KIF21B: variants seen among roughly 807,000 people sequenced by gnomAD.
The protein encoded by KIF21B is kinesin family member 21B.
A neutral mutation model predicts 192.9 loss-of-function variants in KIF21B; 85 were observed. The observed-to-expected ratio is 0.44, with a 90% CI of 0.37 to 0.53. KIF21B has a LOEUF of 0.53. Ranked by LOEUF, KIF21B falls within the 20% of genes least tolerant of loss-of-function variation. KIF21B has a pLI of 0.00. For missense variants in KIF21B, 1,716 were observed against 2,194.8 expected, an observed-to-expected ratio of 0.78 and a Z score of 4.36; for synonymous variants, 832 against 884.6, an observed-to-expected ratio of 0.94 and a Z score of 1.05.
Position 200,982,396 on chromosome 1 carries a change from T to C in KIF21B, c.3842+660A>G, listed in dbSNP as rs1655995455. 6.6e-6 allele frequency among the ~76,000 whole-genome samples: 1 copy of C among 152,202 alleles called. No homozygotes were observed. Among genetic ancestry groups the C allele is most frequent in the Non-Finnish European group, 1.5e-5 (1 of 68,036 alleles). On this transcript the variant is annotated intron_variant, in intron 28 of 34. Coordinates refer to ENST00000461742, the MANE Select transcript of KIF21B (RefSeq NM_001252102.2). The surrounding 1 kb of genome is among the most constrained non-coding windows in gnomAD (Gnocchi z 4.7). ...GAAGCTCTCAGCCCACGAGGGGCCC[T>C]TGGCTTGTCAGGGGCTCGGGACCCC...
In KIF21B at chr1:201,003,652, G is replaced by C. The variant is rs376452020; in HGVS notation, c.1146C>G (p.Ser382Arg). 9.3e-6 allele frequency: 15 copies of C among 1,614,122 alleles called. No individual in the cohort carries two copies. The highest frequency in any genetic ancestry group is 1.3e-5 in the Non-Finnish European group (15 of 1,180,058). ...CAGCCCGCAGTGCACTGATTTGCTG[G>C]CTGGTCTTGTCCTGGTTCACTACCA... ...NKVVVNQDKT[S>R]QQISALRAEI... Residue 382 changes from serine to arginine, a missense_variant, in exon 8 of 35, where the codon AGC (serine) becomes AGG (arginine). This residue lies in a region of KIF21B where 1,087 missense variants were observed against 1,316.6 expected (regional missense o/e 0.83). Transcript: ENST00000461742.
chr1:200,988,785 G>A lies in KIF21B; in HGVS notation c.3279C>T (p.Leu1093=). The A allele has an allele frequency of 6.2e-7, 1 of 1,613,662 alleles. No homozygotes were observed. Among genetic ancestry groups the A allele is most frequent in the East Asian group, 2.2e-5 (1 of 44,876 alleles). The change falls in exon 22 of 35, where the codon CTC becomes CTT. Residue 1093 remains leucine, a synonymous_variant. Coordinates refer to ENST00000461742, the MANE Select transcript of KIF21B (RefSeq NM_001252102.2). ...KAEAHPELQA[L]IYNVQQENGY... The stretch of plus-strand genomic sequence containing the variant: ...CCGTACCCTGCTGCACATTGTAGAT[G>A]AGGGCCTGCAGCTCGGGGTGAGCTT...
chr1:201,013,988 T>C (rs1658364519), intron 1 of KIF21B, among the ~76,000 whole-genome samples: 2 of 152,126 alleles, frequency 1.3e-5, no homozygotes, highest in African/African-American at 4.8e-5. Flanking sequence ...GAGGGCCGGC[T>C]GGACAGCCCC....
rs1657786259 is a variant in KIF21B at position 201,005,827 on chromosome 1, C to T, written c.448-133G>A. 4.3e-6 allele frequency: 4 copies of T among 926,126 alleles called. No individual in the cohort carries two copies. The South Asian group carries it at 6.3e-5, about 15-fold the overall frequency. The allele number at this position is 926,126 out of a possible 1,614,324, so 57.4% of individuals were successfully genotyped here. On this transcript the variant is annotated intron_variant, in intron 3 of 34. Coordinates refer to ENST00000461742, the MANE Select transcript of KIF21B (RefSeq NM_001252102.2). ...GTGGGTCCCCTCTGGGTTTTGAATC[C>T]CATGACCTTTCTGCAGGACAGGGGC...
At chr1:201,002,495 T>G (rs1286593428) in intron 8 of KIF21B, 145 bp from the exon 9 acceptor site, 2 of 676,948 alleles carry the variant, frequency 3.0e-6, no homozygotes, top group Admixed American at 2.7e-5. Context: ...CCAGGTTTCC[T>G]AAAACACAGC....
At chr1:201,020,192 C>T (rs1009952193) in intron 1 of KIF21B, among the ~76,000 whole-genome samples, 1 of 152,212 alleles carries the variant, frequency 6.6e-6, no homozygotes, top group Non-Finnish European at 1.5e-5. Flanking sequence ...GGTCTCCCCT[C>T]ATGGTGGGGG....
rs560040743 is a variant in KIF21B, at chr1:201,017,034, C to A, written c.41+6309G>T. ...CTTGGGGTTCAGGACTCTGACCCCA[C>A]CCCCTCCTCTTGAGTGTCCTTGACC... On this transcript the variant is annotated intron_variant, in intron 1 of 34. Coordinates refer to ENST00000461742, the MANE Select transcript of KIF21B (RefSeq NM_001252102.2). This position sits in a 1 kb window ranked among gnomAD's most constrained non-coding sequence, Gnocchi z 4.1. Among the ~76,000 whole-genome samples, 1 of 152,222 alleles carries A rather than the reference C, an allele frequency of 6.6e-6. No homozygotes were observed. Among genetic ancestry groups the A allele is most frequent in the South Asian group, 2.1e-4 (1 of 4,814 alleles).
rs772951580 is a variant in KIF21B, at chr1:200,975,582, C to T, written c.4531G>A (p.Ala1511Thr). ...PPHYDGIECL[A>T]IQGDILFSGS... ...CTGAACAGGATGTCTCCCTGGATGGCGAGACACTCGATGCCATCGTAGTGC... is the reference window on the plus strand; with the variant it reads ...CTGAACAGGATGTCTCCCTGGATGGTGAGACACTCGATGCCATCGTAGTGC... The change falls in exon 33 of 35, where the codon GCC (alanine) becomes ACC (threonine). Residue 1511 changes from alanine (A) to threonine (T), a missense_variant. Ala to Thr is a moderately conservative substitution (Grantham distance 58). This residue lies in a region of KIF21B where 580 missense variants were observed against 775.5 expected (regional missense o/e 0.75). Coordinates refer to ENST00000461742, the MANE Select transcript of KIF21B (RefSeq NM_001252102.2). This position sits in a 1 kb window ranked among gnomAD's most constrained non-coding sequence, Gnocchi z 4.3. 13 of 1,613,888 alleles carry T rather than the reference C, an allele frequency of 8.1e-6. No individual in the cohort carries two copies. The Admixed American group carries it at 1.3e-4, about 17-fold the overall frequency.
At chr1:201,019,254 A>C (rs1041102868) in intron 1 of KIF21B, among the ~76,000 whole-genome samples, 2 of 152,166 alleles carry the variant, frequency 1.3e-5, no homozygotes, top group Non-Finnish European at 2.9e-5. Flanking sequence ...TTTTTTAAAA[A>C]AACATTTTAT....
At chr1:200,978,120 G>A (rs1655681237) in intron 30 of KIF21B, among the ~76,000 whole-genome samples, 1 of 151,332 alleles carries the variant, frequency 6.6e-6, no homozygotes, top group African/African-American at 2.4e-5. Context: ...TGTGATCTCG[G>A]CTCACTGCAA....
chr1:201,004,961 C>T, intron 5 of KIF21B, 28 bp from the exon 6 acceptor site: 1 of 1,586,260 alleles, frequency 6.3e-7, no homozygotes, highest in Non-Finnish European at 8.6e-7. Flanking sequence ...TCTGACTCAC[C>T]CAGCCCTCGC....
intron 26 of KIF21B, among the ~76,000 whole-genome samples, chr1:200,985,221 C>T (rs926866006): frequency 2.0e-5 from 3 of 152,184 alleles, no homozygotes; most frequent in African/African-American, 7.2e-5. Context: ...GGTGCAGTGG[C>T]TCACATCTGT....
At position 201,017,988 on chromosome 1, in the gene KIF21B, G is replaced by T. The variant is rs1036080505; in HGVS notation, c.41+5355C>A. Among the ~76,000 whole-genome samples the T allele has an allele frequency of 1.3e-5, 2 of 152,224 alleles. No homozygotes were observed. The highest frequency in any genetic ancestry group is 6.5e-5 in the Admixed American group (1 of 15,296). The stretch of plus-strand genomic sequence containing the variant: ...TGGGTGGATCTCTGGGGCCAAGGAA[G>T]AGCCGTTCCAGTCCAGCTTCCCTCA... On this transcript the variant is annotated intron_variant, in intron 1 of 34. Transcript: ENST00000461742. The surrounding 1 kb of genome is among the most constrained non-coding windows in gnomAD (Gnocchi z 4.1).
rs139587088 is a variant in KIF21B, at chr1:201,005,344, G to A, written c.696C>T (p.His232=). 5 of 1,612,342 alleles carry A rather than the reference G, an allele frequency of 3.1e-6. No individual in the cohort carries two copies. The East Asian group carries it at 6.7e-5, about 22-fold the overall frequency. ...SSRSHAIFTI[H]LCQMRMCTQP... ...GGGTGCACATGCGCATCTGGCACAG[G>A]TGGATGGTGAAGATGGCGTGGGAGC... is the stretch of plus-strand genomic sequence containing the variant. Residue 232 remains histidine (H), a synonymous_variant, in exon 5 of 35, where the codon CAC becomes CAT. Transcript: ENST00000461742.
chr1:201,015,916 T>C (rs1039224759), intron 1 of KIF21B, among the ~76,000 whole-genome samples: 9 of 152,220 alleles, frequency 5.9e-5, no homozygotes, highest in African/African-American at 1.9e-4. Flanking sequence ...TCATTCGTCA[T>C]TGATATCCCT....
Position 201,000,895 on chromosome 1 carries a change from G to A in KIF21B, c.1403-115C>T. On this transcript the variant is annotated intron_variant, in intron 9 of 34. Transcript: ENST00000461742. The surrounding 1 kb of genome is among the most constrained non-coding windows in gnomAD (Gnocchi z 6.0). ...GGCCAAGGCGGGCGGATCACCTGAG[G>A]CTGGGAGTTCGAGACTAGCCTGACC... 3 of 1,022,734 alleles carry A rather than the reference G, an allele frequency of 2.9e-6. No individual in the cohort carries two copies. Among genetic ancestry groups the A allele is most frequent in the Non-Finnish European group, 4.6e-6 (3 of 657,832 alleles). 63.4% of individuals were successfully genotyped at this position (1,022,734 alleles called of 1,614,324 possible). A position where few individuals can be genotyped will look rare whatever the true frequency, so the allele number is the denominator to read the frequency against.
chr1:201,013,834 G>A (rs1000228645), intron 1 of KIF21B, among the ~76,000 whole-genome samples: 4 of 152,206 alleles, frequency 2.6e-5, no homozygotes, highest in Admixed American at 6.5e-5. Context: ...TGTGGCCCAC[G>A]GGCCAGCTGC....
intron 7 of KIF21B, 28 bp from the exon 8 acceptor site, chr1:201,003,809 G>C (rs762871472): frequency 1.2e-6 from 2 of 1,612,106 alleles, no homozygotes; most frequent in Non-Finnish European, 1.7e-6. Context: ...CTGTTGTGAG[G>C]GTGAGGGACA....
At position 201,003,624 on chromosome 1, in the gene KIF21B, T is replaced by C. The variant is rs764507630; in HGVS notation, c.1174A>G (p.Ile392Val). Residue 392 changes from isoleucine to valine, a missense_variant, in exon 8 of 35, where the codon ATT (isoleucine) becomes GTT (valine). By Grantham distance (29) the Ile-to-Val change is conservative. This residue lies in a region of KIF21B where 1,087 missense variants were observed against 1,316.6 expected (regional missense o/e 0.83). Coordinates refer to ENST00000461742, the MANE Select transcript of KIF21B (RefSeq NM_001252102.2). ...SQQISALRAE[I>V]ARLQMELMEY... is the part of the protein sequence containing the mutation. ...ATCAGCTCCATCTGCAGCCGAGCAA[T>C]CTCAGCCCGCAGTGCACTGATTTGC... 127 of 1,614,036 alleles carry C rather than the reference T, an allele frequency of 7.9e-5. No homozygotes were observed. The highest frequency in any genetic ancestry group is 1.0e-4 in the Non-Finnish European group (123 of 1,180,050).
Sources: gnomAD v4.1 joint callset for allele counts (sites outside exome capture counted in the v4.1 genomes callset) on GRCh38, gnomAD v4.1.1 for gene constraint, gnomAD v4.1.1 regional missense constraint, Gnocchi (gnomAD v3.1) non-coding constraint, MANE v1.5 for transcripts, NCBI Gene and HGNC (gene_info 2026-07-23, HGNC 2026-07-21) for gene names.